The following MYH6 variants were observed in gnomAD, a reference collection of about 807,000 sequenced individuals.
The protein encoded by MYH6 is myosin heavy chain 6.
MYH6 carries 126 observed loss-of-function variants against 223.2 expected under a neutral mutation model. That is an observed-to-expected ratio of 0.56 (90% CI 0.49 to 0.65). MYH6 has a LOEUF of 0.65. MYH6 is among the 30% of genes least tolerant of loss of function. The pLI is 0.00. For synonymous variants in MYH6, 978 were observed against 1,010.2 expected (o/e 0.97, Z 0.61); for missense variants, 2,040 against 2,536.4 (o/e 0.80, Z 4.20).
At chr14:23,404,213 A>G (rs1370173152) in intron 8 of MYH6, 83 bp downstream of exon 8, 1 of 1,469,392 alleles carries the variant, frequency 6.8e-7, no homozygotes, top group Non-Finnish European at 9.5e-7. Flanking sequence ...GATACAGTAC[A>G]ATCAACTGGG....
intron 34 of MYH6, among the ~76,000 whole-genome samples, chr14:23,385,483 G>A (rs980459130): frequency 1.3e-5 from 2 of 150,194 alleles, no homozygotes; most frequent in African/African-American, 4.9e-5. Flanking sequence ...AAACTCCACA[G>A]GGCACTGCAA....
At chr14:23,406,314 A>T (rs964418203) in intron 3 of MYH6, among the ~76,000 whole-genome samples, 9 of 152,178 alleles carry the variant, frequency 5.9e-5, no homozygotes, top group Non-Finnish European at 1.2e-4. Context: ...TAGGTATTCC[A>T]GTGTTTTTTA....
chr14:23,401,243 G>A (rs1325251576), intron 12 of MYH6, among the ~76,000 whole-genome samples: 3 of 152,332 alleles, frequency 2.0e-5, no homozygotes, highest in African/African-American at 7.2e-5. Context: ...CTTACCTCAA[G>A]TGATCCACCT....
rs761493890 is a variant in MYH6, at chr14:23,404,798, A to G, written c.555T>C (p.Thr185=). 5 of 1,614,108 alleles carry G rather than the reference A, an allele frequency of 3.1e-6. No homozygotes were observed. Among genetic ancestry groups the G allele is most frequent in the Non-Finnish European group, 4.2e-6 (5 of 1,179,992 alleles). The change falls in exon 7 of 39, where the codon ACT becomes ACC. Residue 185 remains threonine (T), a synonymous_variant. Transcript: ENST00000405093. ...ACTGGATGACACGCTTGGTGTTCAC[A>G]GTCTTCCCCGCCCCGGATTCTCCCC... The part of the protein sequence containing the change: ...LITGESGAGK[T]VNTKRVIQYF...
At position 23,382,037 on chromosome 14, in the gene MYH6, G is replaced by T. The variant is rs770050705; in HGVS notation, c.*3C>A. On this transcript the variant is annotated 3_prime_UTR_variant, in exon 39 of 39. Coordinates refer to ENST00000405093, the MANE Select transcript of MYH6 (RefSeq NM_002471.4). ...TGGCAAGAGTGAGGTTCCCGAGGCA[G>T]TGTCACTCCTCATCGTGCATTTTTT... is the stretch of plus-strand genomic sequence containing the variant. 8 of 1,614,088 alleles carry T rather than the reference G, an allele frequency of 5.0e-6. No homozygotes were observed. Among genetic ancestry groups the T allele is most frequent in the Non-Finnish European group, 5.9e-6 (7 of 1,180,042 alleles).
At chr14:23,403,316 A>G in intron 10 of MYH6, 32 bp downstream of exon 10, 1 of 1,570,040 alleles carries the variant, frequency 6.4e-7, no homozygotes, top group Middle Eastern at 1.7e-4. Flanking sequence ...CAGCAGGGAC[A>G]GCAGTGGGTG....
intron 25 of MYH6, among the ~76,000 whole-genome samples, chr14:23,392,180 A>C (rs7155145): frequency 4.9e-4 from 73 of 149,922 alleles, no homozygotes; most frequent in African/African-American, 1.7e-3. Flanking sequence ...TGAACAGAGC[A>C]GCTCACAGGA....
At chr14:23,389,143 G>T in intron 28 of MYH6, 88 bp from the exon 29 acceptor site, 1 of 1,442,172 alleles carries the variant, frequency 6.9e-7, no homozygotes, top group Non-Finnish European at 9.2e-7. Context: ...CTTCAACCAA[G>T]CCCAGCCTTA....
chr14:23,388,644 C>T, intron 29 of MYH6: 1 of 894,356 alleles, frequency 1.1e-6, no homozygotes, highest in Non-Finnish European at 1.9e-6. Context: ...CAGGTATAAC[C>T]CGGGCCAAAA....
chr14:23,387,396 T>C, intron 32 of MYH6, 133 bp downstream of exon 32: 1 of 1,412,898 alleles, frequency 7.1e-7, no homozygotes, highest in South Asian at 1.2e-5. Flanking sequence ...TAGTGAATAG[T>C]GGGTAGATAA....
At position 23,400,351 on chromosome 14, in the gene MYH6, C is replaced by T. The variant is rs761085263; in HGVS notation, c.1486G>A (p.Val496Met). Residue 496 changes from valine (V) to methionine (M), a missense_variant, in exon 14 of 39, where the codon GTG (valine) becomes ATG (methionine). This residue lies in a region of MYH6 where 649 missense variants were observed against 877.3 expected (regional missense o/e 0.74). Coordinates refer to ENST00000405093, the MANE Select transcript of MYH6 (RefSeq NM_002471.4). Reference sequence around the variant, plus strand: ...TTCTTGTACTCCTCCTGCTCCAGCACGAACATGTGGTGGTTGAAGAACTGC... The same window carrying T: ...TTCTTGTACTCCTCCTGCTCCAGCATGAACATGTGGTGGTTGAAGAACTGC... ...LQQFFNHHMF[V>M]LEQEEYKKEG... 3.9e-5 allele frequency: 63 copies of T among 1,614,046 alleles called. No individual in the cohort carries two copies. The Admixed American group carries it at 7.0e-4, about 18-fold the overall frequency.
At chr14:23,395,532 CTT>C (rs11341082) in intron 20 of MYH6, among the ~76,000 whole-genome samples, 9 of 148,632 alleles carry the variant, frequency 6.1e-5, no homozygotes, top group African/African-American at 9.8e-5. Flanking sequence ...AGCTGTTCAA[CTT>C]TTTTTTTTTT....
chr14:23,388,039 C>G (rs1192473525), intron 30 of MYH6, 116 bp from the exon 31 acceptor site: 5 of 1,606,524 alleles, frequency 3.1e-6, no homozygotes, highest in East Asian at 2.2e-5. Flanking sequence ...TCCCTGGTCC[C>G]GAGCCTGGGC....
chr14:23,388,663 G>A (rs765338996), intron 29 of MYH6, 196 bp downstream of exon 29: 72 of 965,556 alleles, frequency 7.5e-5, no homozygotes, highest in Non-Finnish European at 1.1e-4. Context: ...AAGCTCGCCC[G>A]TCACAGGAAG....
chr14:23,407,362 G>T lies in MYH6; in HGVS notation c.-13-126C>A, dbSNP rs1199753861. The T allele has an allele frequency of 2.3e-5, 28 of 1,199,986 alleles. No homozygotes were observed. The highest frequency in any genetic ancestry group is 5.4e-4 in the Middle Eastern group (2 of 3,686). The allele number at this position is 1,199,986 out of a possible 1,614,324, so 74.3% of individuals were successfully genotyped here. A position where few individuals can be genotyped will look rare whatever the true frequency, so the allele number is the denominator to read the frequency against. On this transcript the variant is annotated intron_variant, in intron 2 of 38. Transcript: ENST00000405093. The surrounding 1 kb of genome is among the most constrained non-coding windows in gnomAD (Gnocchi z 5.6). ...CTCCACCCTGGGAGAGGCACCTGCT[G>T]TTGCACCCTCCCCTACTCAGGGCTC...
intron 15 of MYH6, 37 bp from the exon 16 acceptor site, chr14:23,397,650 GA>G (rs763512518): frequency 6.2e-7 from 1 of 1,605,976 alleles, no homozygotes; most frequent in South Asian, 1.1e-5. Flanking sequence ...ACAGGAGCTG[GA>G]AAATAAAGGA....
intron 34 of MYH6, among the ~76,000 whole-genome samples, chr14:23,385,694 C>A (rs543138778): frequency 2.0e-5 from 3 of 152,072 alleles, no homozygotes; most frequent in African/African-American, 7.2e-5. Context: ...TCCACTACTC[C>A]CAGATTTGTG....
chr14:23,384,506 C>A lies in MYH6; in HGVS notation c.5501G>T (p.Arg1834Leu), dbSNP rs202132499. ...LEGELEAEQKRNAESVKGMRK... is the reference protein window; with the variant it reads ...LEGELEAEQKLNAESVKGMRK... ...CATGCCCTTCACCGACTCTGCGTTG[C>A]GCTTCTGCTCGGCCTCCAGCTCACC... The change falls in exon 36 of 39, where the codon CGC becomes CTC. Residue 1834 changes from arginine (R) to leucine (L), a missense_variant. Transcript: ENST00000405093. The A allele has an allele frequency of 6.2e-7, 1 of 1,613,086 alleles. No individual in the cohort carries two copies. Among genetic ancestry groups the A allele is most frequent in the Non-Finnish European group, 8.5e-7 (1 of 1,180,032 alleles).
At chr14:23,401,461 G>T (rs1210240726) in intron 12 of MYH6, among the ~76,000 whole-genome samples, 2 of 152,264 alleles carry the variant, frequency 1.3e-5, no homozygotes, top group African/African-American at 4.8e-5. Context: ...GTGTGCCTGA[G>T]TCAGGCTGGA....
Sources: gnomAD v4.1 joint callset for allele counts (sites outside exome capture counted in the v4.1 genomes callset) on GRCh38, gnomAD v4.1.1 for gene constraint, gnomAD v4.1.1 regional missense constraint, Gnocchi (gnomAD v3.1) non-coding constraint, MANE v1.5 for transcripts, NCBI Gene and HGNC (gene_info 2026-07-23, HGNC 2026-07-21) for gene names.